Variants in UBTD1 observed in about 807,000 individuals in gnomAD.
UBTD1 encodes ubiquitin domain-containing protein 1.
A neutral mutation model predicts 21.7 loss-of-function variants in UBTD1; 19 were observed. The ratio of observed to expected loss-of-function variants is 0.87; its 90% CI spans 0.61 to 1.28. The LOEUF is 1.28. Among genes scored for constraint, UBTD1 ranks in the 50% most tolerant of loss-of-function variants. The pLI is 0.00. For synonymous variants in UBTD1, 116 were observed against 135.1 expected, an observed-to-expected ratio of 0.86 and a Z score of 0.98; for missense variants, 282 against 315.1, an observed-to-expected ratio of 0.89 and a Z score of 0.80.
In UBTD1 at chr10:97,548,533, C is replaced by T. The variant is rs141736881; in HGVS notation, c.71-19381C>T. 2.6e-3 allele frequency among the ~76,000 whole-genome samples: 393 copies of T among 152,306 alleles called. 3 individuals carry two copies. The highest frequency in any genetic ancestry group is 8.7e-3 in the African/African-American group (360 of 41,564). ...GAGTCAGGCTGGGCGCAGTGGCTCA[C>T]GCCTATAATCCCAGCACTTTGAAAG... On this transcript the variant is annotated intron_variant, in intron 1 of 2. Coordinates refer to ENST00000370664, the MANE Select transcript of UBTD1 (RefSeq NM_024954.5).
chr10:97,538,772 G>A (rs1421260139), intron 1 of UBTD1, among the ~76,000 whole-genome samples: 1 of 144,598 alleles, frequency 6.9e-6, no homozygotes. Flanking sequence ...GTGTGTATAT[G>A]TGTGTGTGAG....
chr10:97,541,815 A>G (rs139517480), intron 1 of UBTD1, among the ~76,000 whole-genome samples: 3,830 of 148,884 alleles, frequency 0.026, 154 homozygotes, highest in African/African-American at 0.086. Context: ...GCTCACTGCA[A>G]CCTCCGCCTC....
chr10:97,568,880 G>A (rs7077211), intron 2 of UBTD1, among the ~76,000 whole-genome samples: 101,506 of 151,932 alleles, frequency 0.67, 34,028 homozygotes, highest in Non-Finnish European at 0.71. Context: ...CTGGAATGCA[G>A]TGGAGCGATC....
At chr10:97,537,846 G>C (rs1454008421) in intron 1 of UBTD1, among the ~76,000 whole-genome samples, 2 of 128,990 alleles carry the variant, frequency 1.6e-5, no homozygotes, top group Non-Finnish European at 3.2e-5. Context: ...TTTTTTTTGA[G>C]ACAGGGTCTC....
At chr10:97,541,715 T>C (rs1007923826) in intron 1 of UBTD1, among the ~76,000 whole-genome samples, 2 of 149,342 alleles carry the variant, frequency 1.3e-5, no homozygotes, top group Admixed American at 6.7e-5. Flanking sequence ...GAGTTAGACC[T>C]AGGTCCTCTC....
At chr10:97,541,316 A>G (rs1010660040) in intron 1 of UBTD1, among the ~76,000 whole-genome samples, 2 of 151,938 alleles carry the variant, frequency 1.3e-5, no homozygotes, top group African/African-American at 4.8e-5. Context: ...ATCTCTACAA[A>G]AAATCTAAAA....
intron 1 of UBTD1, among the ~76,000 whole-genome samples, chr10:97,543,201 C>T (rs1443573395): frequency 1.3e-5 from 2 of 152,150 alleles, no homozygotes; most frequent in Admixed American, 6.5e-5. Context: ...GAGCGGGGAG[C>T]GCCTGGTGGG....
chr10:97,554,334 G>A (rs866481646), intron 1 of UBTD1, among the ~76,000 whole-genome samples: 13 of 143,796 alleles, frequency 9.0e-5, no homozygotes, highest in Admixed American at 4.3e-4. Context: ...TGCTACCTCC[G>A]TCTCTGGGGT....
At chr10:97,499,963 C>T (rs906290072) in intron 1 of UBTD1, among the ~76,000 whole-genome samples, 8 of 152,124 alleles carry the variant, frequency 5.3e-5, no homozygotes, top group Non-Finnish European at 7.4e-5. Context: ...ATGGTACACC[C>T]CGCCTGCCCT....
At chr10:97,531,053 A>C (rs1258247190) in intron 1 of UBTD1, among the ~76,000 whole-genome samples, 2 of 151,340 alleles carry the variant, frequency 1.3e-5, no homozygotes, top group Admixed American at 6.6e-5. Flanking sequence ...ACGCCCAACT[A>C]ATTTTTTGTA....
Position 97,570,408 on chromosome 10 carries a change from G to T in UBTD1, c.569G>T (p.Arg190Leu), listed in dbSNP as rs538931014. 6.2e-7 allele frequency: 1 copy of T among 1,613,298 alleles called. No homozygotes were observed. The highest frequency in any genetic ancestry group is 8.5e-7 in the Non-Finnish European group (1 of 1,180,034). The change falls in exon 3 of 3, where the codon CGG becomes CTG. Residue 190 changes from arginine to leucine, a missense_variant. Coordinates refer to ENST00000370664, the MANE Select transcript of UBTD1 (RefSeq NM_024954.5). The surrounding 1 kb of genome is among the most constrained non-coding windows in gnomAD (Gnocchi z 6.6). Reference protein sequence around the residue: ...AQEGIEPSWQRWFFSGKLLTD... With the variant: ...AQEGIEPSWQLWFFSGKLLTD... ...GAGGGCATCGAGCCATCGTGGCAGC[G>T]GTGGTTCTTCTCCGGGAAGCTGCTC...
chr10:97,543,322 G>A (rs2040594835), intron 1 of UBTD1, among the ~76,000 whole-genome samples: 1 of 152,234 alleles, frequency 6.6e-6, no homozygotes, highest in African/African-American at 2.4e-5. Context: ...GGAAGAGGAA[G>A]GGATGAGTCA....
intron 1 of UBTD1, among the ~76,000 whole-genome samples, chr10:97,566,336 T>C (rs1039182213): frequency 1.3e-5 from 2 of 152,258 alleles, no homozygotes; most frequent in Middle Eastern, 3.4e-3. Flanking sequence ...TGGGAATTCT[T>C]TGAGGCCTGG....
chr10:97,567,832 TG>T, intron 1 of UBTD1, 81 bp from the exon 2 acceptor site: 1 of 1,303,134 alleles, frequency 7.7e-7, no homozygotes. Flanking sequence ...GGGTCTGGCC[TG>T]GGGAGGGGAG....
In UBTD1 at chr10:97,522,166, C is replaced by T. The variant is rs144565478; in HGVS notation, c.70+22893C>T. Among the ~76,000 whole-genome samples the T allele has an allele frequency of 5.3e-5, 8 of 152,334 alleles. No homozygotes were observed. In the East Asian group the frequency reaches 1.5e-3, roughly 29 times the overall value. ...AGAGTGTTGTGGCAGGGCACCAGAG[C>T]TGGAAAAGCCTGAAAGGTCATGTCC... On this transcript the variant is annotated intron_variant, in intron 1 of 2. Coordinates refer to ENST00000370664, the MANE Select transcript of UBTD1 (RefSeq NM_024954.5).
intron 1 of UBTD1, among the ~76,000 whole-genome samples, chr10:97,516,327 A>G (rs2040444006): frequency 2.0e-5 from 3 of 152,204 alleles, no homozygotes; most frequent in Admixed American, 2.0e-4. Context: ...CAGAGGACCC[A>G]GGCTTCTCCT....
In UBTD1 at chr10:97,508,194, C is replaced by T. The variant is rs575339408; in HGVS notation, c.70+8921C>T. ...AAAGGTAATGTCTGCTGCCTAAGGT[C>T]ACACAGCTTGTAAACTGCAGAGCTG... On this transcript the variant is annotated intron_variant, in intron 1 of 2. Transcript: ENST00000370664. Among the ~76,000 whole-genome samples the T allele has an allele frequency of 9.2e-5, 14 of 152,374 alleles. No individual in the cohort carries two copies. In the South Asian group the frequency reaches 2.9e-3, roughly 32 times the overall value.
At chr10:97,505,346 G>A (rs1359551250) in intron 1 of UBTD1, among the ~76,000 whole-genome samples, 2 of 152,210 alleles carry the variant, frequency 1.3e-5, no homozygotes, top group Non-Finnish European at 2.9e-5. Flanking sequence ...TAAGTTGTGA[G>A]TGTGTGGAGG....
chr10:97,526,691 AAAT>A (rs1238403513), intron 1 of UBTD1, among the ~76,000 whole-genome samples: 3 of 151,890 alleles, frequency 2.0e-5, no homozygotes, highest in African/African-American at 7.3e-5. Flanking sequence ...TCTCTACTAA[AAAT>A]ACAAAAGTCA....
Sources: gnomAD v4.1 joint callset for allele counts (sites outside exome capture counted in the v4.1 genomes callset) on GRCh38, gnomAD v4.1.1 for gene constraint, Gnocchi (gnomAD v3.1) non-coding constraint, MANE v1.5 for transcripts, NCBI Gene and HGNC (gene_info 2026-07-23, HGNC 2026-07-21) for gene names.